LRCH1: variants seen among roughly 807,000 people sequenced by gnomAD.
The protein encoded by LRCH1 is leucine-rich repeat and calponin homology domain-containing protein 1.
LRCH1 carries 23 observed loss-of-function variants against 94.9 expected under a neutral mutation model. The observed-to-expected ratio is 0.24, with a 90% CI of 0.17 to 0.34. The LOEUF is 0.34. Ranked by LOEUF, LRCH1 falls within the 10% of genes least tolerant of loss-of-function variation. The probability of loss-of-function intolerance (pLI) is 1.00; values close to 1 mark genes in which losing one functional copy is unlikely to be tolerated. For synonymous variants in LRCH1, 364 were observed against 354.9 expected, an observed-to-expected ratio of 1.03 and a Z score of -0.29; for missense variants, 790 against 945.9, an observed-to-expected ratio of 0.84 and a Z score of 2.16.
At position 46,744,455 on chromosome 13, in the gene LRCH1, C is replaced by A. The variant is rs892855006; in HGVS notation, c.*2607C>A. The A allele has an allele frequency of 1.0e-6, 1 of 985,288 alleles. No homozygotes were observed. The highest frequency in any genetic ancestry group is 1.7e-5 in the African/African-American group (1 of 57,236). 61.0% of individuals were successfully genotyped at this position (985,288 alleles called of 1,614,324 possible). A position where few individuals can be genotyped will look rare whatever the true frequency, so the allele number is the denominator to read the frequency against. On this transcript the variant is annotated 3_prime_UTR_variant, in exon 20 of 20. Coordinates refer to ENST00000389797, the MANE Select transcript of LRCH1 (RefSeq NM_001164211.2). ...TTCCAAAATTTGTGACACCTAATTT[C>A]TAATCATCTTTCCTATTTATGGATT... is the stretch of plus-strand genomic sequence containing the variant.
chr13:46,719,678 A>AT (rs1872508773), intron 16 of LRCH1, among the ~76,000 whole-genome samples: 1 of 152,202 alleles, frequency 6.6e-6, no homozygotes, highest in Non-Finnish European at 1.5e-5. Context: ...TAAATTGCGT[A>AT]TATGTGCAAA....
At chr13:46,711,761 A>T in intron 13 of LRCH1, 30 bp from the exon 14 acceptor site, 2 of 1,591,540 alleles carry the variant, frequency 1.3e-6, no homozygotes, top group South Asian at 2.2e-5. Context: ...GTCTAATGGA[A>T]CATACCATGC....
intron 1 of LRCH1, among the ~76,000 whole-genome samples, chr13:46,588,411 A>G (rs1247934552): frequency 2.6e-5 from 4 of 152,148 alleles, no homozygotes; most frequent in Non-Finnish European, 5.9e-5. Flanking sequence ...TTCCTTATAG[A>G]TGTACTTACT....
chr13:46,601,200 G>A (rs79834555), intron 1 of LRCH1, among the ~76,000 whole-genome samples: 4,477 of 152,060 alleles, frequency 0.029, 157 homozygotes, highest in East Asian at 0.18. Context: ...CTCAGAGCCC[G>A]CAGCATGATT....
At chr13:46,592,026 G>A (rs2050505191) in intron 1 of LRCH1, among the ~76,000 whole-genome samples, 1 of 152,182 alleles carries the variant, frequency 6.6e-6, no homozygotes, top group Admixed American at 6.5e-5. Flanking sequence ...AAAACTGTCA[G>A]CATAGGCAGA....
intron 1 of LRCH1, among the ~76,000 whole-genome samples, chr13:46,639,694 A>G (rs1322761252): frequency 1.3e-5 from 2 of 152,136 alleles, no homozygotes; most frequent in Non-Finnish European, 2.9e-5. Context: ...AGATGGTCCG[A>G]CACACACCCC....
At position 46,728,883 on chromosome 13, in the gene LRCH1, G is replaced by T; in HGVS notation, c.1906G>T (p.Asp636Tyr). The T allele has an allele frequency of 6.2e-7, 1 of 1,612,908 alleles. No homozygotes were observed. The highest frequency in any genetic ancestry group is 8.5e-7 in the Non-Finnish European group (1 of 1,179,390). Residue 636 changes from aspartate (D) to tyrosine (Y), a missense_variant, in exon 18 of 20, where the codon GAC becomes TAC. Physicochemically the swap from Asp to Tyr is radical, Grantham distance 160. This residue lies in a region of LRCH1 where 460 missense variants were observed against 508.9 expected (regional missense o/e 0.90). Transcript: ENST00000389797. The part of the protein sequence containing the change: ...EMRLKVSLHE[D>Y]LGAALMDGVV... ...GAGATTGAAGGTCAGTCTACACGAAGACCTGGGGGCAGCCCTCATGGATGG... is the reference window on the plus strand; with the variant it reads ...GAGATTGAAGGTCAGTCTACACGAATACCTGGGGGCAGCCCTCATGGATGG...
chr13:46,723,472 A>C (rs1872679778), intron 17 of LRCH1, 142 bp downstream of exon 17: 1 of 654,204 alleles, frequency 1.5e-6, no homozygotes. Flanking sequence ...TGGGCAAGCC[A>C]CTTAACAACC....
chr13:46,606,976 G>A (rs2050695106), intron 1 of LRCH1, among the ~76,000 whole-genome samples: 1 of 152,208 alleles, frequency 6.6e-6, no homozygotes, highest in Non-Finnish European at 1.5e-5. Context: ...AGAGATGGGA[G>A]TCAGGGGAAA....
chr13:46,669,745 A>G lies in LRCH1; in HGVS notation c.579+589A>G, dbSNP rs530347091. Among the ~76,000 whole-genome samples, 7 of 152,320 alleles carry G rather than the reference A, an allele frequency of 4.6e-5. No homozygotes were observed. In the South Asian group the frequency reaches 1.5e-3, roughly 32 times the overall value. On this transcript the variant is annotated intron_variant, in intron 3 of 19. Transcript: ENST00000389797. ...TCTTTCACTACTAATTTAATTATTT[A>G]CCCTTTTTCTAAATTGGGAAAGAAT...
chr13:46,683,141 G>A (rs1179988618), intron 4 of LRCH1, among the ~76,000 whole-genome samples: 1 of 152,180 alleles, frequency 6.6e-6, no homozygotes, highest in African/African-American at 2.4e-5. Context: ...GTCAGCATTT[G>A]GTTAATCTGA....
intron 19 of LRCH1, among the ~76,000 whole-genome samples, chr13:46,735,630 CT>C (rs1353500920): frequency 6.6e-6 from 1 of 152,062 alleles, no homozygotes; most frequent in Non-Finnish European, 1.5e-5. Flanking sequence ...CAAGATGCCC[CT>C]GGCAGTAATG....
intron 3 of LRCH1, among the ~76,000 whole-genome samples, chr13:46,680,996 G>A (rs1021995905): frequency 6.6e-6 from 1 of 152,202 alleles, no homozygotes; most frequent in African/African-American, 2.4e-5. Context: ...AAGAGGAAGA[G>A]TGGGATTCAG....
At chr13:46,711,632 G>A (rs1872066971) in intron 13 of LRCH1, among the ~76,000 whole-genome samples, 159 bp from the exon 14 acceptor site, 1 of 152,144 alleles carries the variant, frequency 6.6e-6, no homozygotes, top group African/African-American at 2.4e-5. Context: ...GTATGAGTAT[G>A]GTCTACTTAG....
intron 1 of LRCH1, among the ~76,000 whole-genome samples, chr13:46,630,787 A>G (rs1218826313): frequency 1.3e-5 from 2 of 152,248 alleles, no homozygotes; most frequent in Admixed American, 6.5e-5. Flanking sequence ...GAAAACACCA[A>G]TTAACTGAAT....
At chr13:46,739,026 A>G (rs1348662568) in intron 19 of LRCH1, among the ~76,000 whole-genome samples, 2 of 152,236 alleles carry the variant, frequency 1.3e-5, no homozygotes, top group East Asian at 3.8e-4. Flanking sequence ...GATATTTTAG[A>G]TTAAAAAATA....
At chr13:46,621,035 C>T (rs983020671) in intron 1 of LRCH1, among the ~76,000 whole-genome samples, 1 of 152,120 alleles carries the variant, frequency 6.6e-6, no homozygotes, top group Non-Finnish European at 1.5e-5. Flanking sequence ...CCTAGAAGAC[C>T]CTGCTTTTCA....
At chr13:46,643,935 C>T (rs56216573) in intron 1 of LRCH1, among the ~76,000 whole-genome samples, 13,046 of 152,078 alleles carry the variant, frequency 0.086, 661 homozygotes, top group Middle Eastern at 0.16. Flanking sequence ...ACTTTCTTAC[C>T]TTCTGGGCTT....
intron 1 of LRCH1, among the ~76,000 whole-genome samples, chr13:46,576,513 T>TATC (rs934637422): frequency 1.8e-4 from 27 of 152,194 alleles, no homozygotes; most frequent in African/African-American, 6.3e-4. Flanking sequence ...CCAAGGAGGC[T>TATC]ATCACAACAT....
Sources: gnomAD v4.1 joint callset for allele counts (sites outside exome capture counted in the v4.1 genomes callset) on GRCh38, gnomAD v4.1.1 for gene constraint, gnomAD v4.1.1 regional missense constraint, MANE v1.5 for transcripts, NCBI Gene and HGNC (gene_info 2026-07-23, HGNC 2026-07-21) for gene names.